The following PTPRD variants were observed in gnomAD, a reference collection of about 807,000 sequenced individuals.
The protein encoded by PTPRD is protein tyrosine phosphatase receptor type D.
A neutral mutation model predicts 214.5 loss-of-function variants in PTPRD; 34 were observed. The observed-to-expected ratio is 0.16, with a 90% CI of 0.12 to 0.21. The LOEUF is 0.21. PTPRD is among the 10% of genes least tolerant of loss of function. The pLI, the probability that PTPRD is intolerant of heterozygous loss-of-function variation, is 1.00. For missense variants in PTPRD, 2,545 were observed against 2,398.7 expected (o/e 1.06, Z -1.27); for synonymous variants, 1,128 against 845.7 (o/e 1.33, Z -5.79).
intron 8 of PTPRD, among the ~76,000 whole-genome samples, chr9:9,485,077 C>A (rs1338653264): frequency 1.3e-5 from 2 of 152,146 alleles, no homozygotes; most frequent in Admixed American, 6.5e-5. Context: ...TTGCCTCTTG[C>A]AGTTTTTGAA....
intron 8 of PTPRD, among the ~76,000 whole-genome samples, chr9:9,458,338 C>T (rs991188766): frequency 6.6e-6 from 1 of 151,944 alleles, no homozygotes; most frequent in Non-Finnish European, 1.5e-5. Flanking sequence ...AGAAATCCAA[C>T]ATTGTACCAC....
At chr9:8,804,162 C>T (rs932870436) in intron 11 of PTPRD, among the ~76,000 whole-genome samples, 5 of 151,984 alleles carry the variant, frequency 3.3e-5, no homozygotes, top group East Asian at 1.9e-4. Context: ...TATGTTGGTC[C>T]GTCTGGTCTC....
intron 8 of PTPRD, among the ~76,000 whole-genome samples, chr9:9,478,250 G>A (rs1250290667): frequency 6.6e-6 from 1 of 152,090 alleles, no homozygotes; most frequent in Non-Finnish European, 1.5e-5. Context: ...AACTGCATGG[G>A]TATCAAACAA....
intron 2 of PTPRD, among the ~76,000 whole-genome samples, chr9:10,343,750 G>A (rs1282785190): frequency 6.6e-6 from 1 of 151,910 alleles, no homozygotes; most frequent in African/African-American, 2.4e-5. Flanking sequence ...TTATTTTCAT[G>A]TGTCTGTTGG....
At chr9:10,007,075 G>C (rs527438333) in intron 4 of PTPRD, among the ~76,000 whole-genome samples, 3 of 151,942 alleles carry the variant, frequency 2.0e-5, no homozygotes, top group Admixed American at 6.6e-5. Context: ...TAAGGCAGAA[G>C]TGTTTGTCTC....
At position 8,382,566 on chromosome 9, in the gene PTPRD, A is replaced by C. The variant is rs1318195433; in HGVS notation, c.4387-5840T>G. On this transcript the variant is annotated intron_variant, in intron 37 of 45. Coordinates refer to ENST00000381196, the MANE Select transcript of PTPRD (RefSeq NM_002839.4). ...AGAAGGTAGATAATCCAGAAAGCTA[A>C]CAAACAGCAAGAAATTGGTGGGATT... Among the ~76,000 whole-genome samples the C allele has an allele frequency of 2.2e-4, 33 of 152,194 alleles. 1 individual carries two copies. The highest frequency in any genetic ancestry group is 2.2e-3 in the Admixed American group (33 of 15,280).
intron 11 of PTPRD, among the ~76,000 whole-genome samples, chr9:8,763,288 G>T (rs574188828): frequency 7.1e-4 from 108 of 152,038 alleles, no homozygotes; most frequent in African/African-American, 2.5e-3. Flanking sequence ...GAGTTGGATG[G>T]ATCGCCTGAA....
chr9:9,102,233 T>G (rs1185092621), intron 10 of PTPRD, among the ~76,000 whole-genome samples: 1 of 152,226 alleles, frequency 6.6e-6, no homozygotes, highest in Non-Finnish European at 1.5e-5. Flanking sequence ...AAAGAAAATA[T>G]TCTTACAATA....
chr9:8,933,607 C>A (rs543480563), intron 11 of PTPRD, among the ~76,000 whole-genome samples: 28 of 151,884 alleles, frequency 1.8e-4, no homozygotes, highest in Admixed American at 7.2e-4. Flanking sequence ...TTATTCTAAC[C>A]TAATACAGTT....
chr9:8,363,575 T>C (rs777223468), intron 39 of PTPRD, among the ~76,000 whole-genome samples: 2 of 152,168 alleles, frequency 1.3e-5, no homozygotes, highest in Non-Finnish European at 2.9e-5. Flanking sequence ...TCAGTTTGGG[T>C]TGTACTTGGG....
intron 4 of PTPRD, among the ~76,000 whole-genome samples, chr9:10,019,121 T>C (rs2096789292): frequency 6.6e-6 from 1 of 152,060 alleles, no homozygotes; most frequent in Non-Finnish European, 1.5e-5. Flanking sequence ...GCGAAAGATA[T>C]GAACAGACAC....
intron 3 of PTPRD, among the ~76,000 whole-genome samples, chr9:10,108,315 A>T (rs1053761138): frequency 6.6e-6 from 1 of 152,080 alleles, no homozygotes; most frequent in Non-Finnish European, 1.5e-5. Flanking sequence ...TTTTTTTTGT[A>T]GCGAGAACAC....
intron 9 of PTPRD, among the ~76,000 whole-genome samples, chr9:9,324,448 G>A (rs1968656519): frequency 6.6e-6 from 1 of 152,142 alleles, no homozygotes. Flanking sequence ...CAGTGATGAT[G>A]AGCATTTTTT....
intron 2 of PTPRD, among the ~76,000 whole-genome samples, chr9:10,591,192 G>C (rs1161364521): frequency 1.3e-5 from 2 of 151,918 alleles, no homozygotes; most frequent in Admixed American, 1.3e-4. Flanking sequence ...ATAAAAGGCA[G>C]GGTGGCATTT....
At chr9:8,773,577 C>G (rs61122451) in intron 11 of PTPRD, among the ~76,000 whole-genome samples, 7,161 of 152,198 alleles carry the variant, frequency 0.047, 424 homozygotes, top group African/African-American at 0.14. Context: ...ATCCTACTTG[C>G]TCAAAGCTGA....
At chr9:9,368,868 G>A (rs185441594) in intron 9 of PTPRD, among the ~76,000 whole-genome samples, 51 of 151,764 alleles carry the variant, frequency 3.4e-4, no homozygotes, top group East Asian at 2.7e-3. Context: ...AACTCGTGTC[G>A]TCATTTAGCA....
chr9:8,549,500 A>C (rs2081361775), intron 14 of PTPRD, among the ~76,000 whole-genome samples: 1 of 152,224 alleles, frequency 6.6e-6, no homozygotes, highest in African/African-American at 2.4e-5. Context: ...GCAATGTTCC[A>C]AGTATGTTTT....
rs201093925 is a variant in PTPRD, at chr9:10,264,693, G to GT, written c.-545+76269dup. Among the ~76,000 whole-genome samples, 981 of 152,244 alleles carry GT rather than the reference G, an allele frequency of 6.4e-3. 11 individuals carry two copies. Among genetic ancestry groups the GT allele is most frequent in the Middle Eastern group, 0.01 (3 of 294 alleles). ...GACTGTTGAGTTAATGCCGAAATTAGTTAAGACTTTCGGGATCTCTTGGGA... is the reference window on the plus strand; with the variant it reads ...GACTGTTGAGTTAATGCCGAAATTAGTTTAAGACTTTCGGGATCTCTTGGGA... On this transcript the variant is annotated intron_variant, in intron 3 of 45. Coordinates refer to ENST00000381196, the MANE Select transcript of PTPRD (RefSeq NM_002839.4).
At chr9:8,800,818 G>C (rs1290602926) in intron 11 of PTPRD, among the ~76,000 whole-genome samples, 4 of 152,146 alleles carry the variant, frequency 2.6e-5, no homozygotes, top group African/African-American at 7.2e-5. Flanking sequence ...ATGGGGTCTG[G>C]ATTGGGACCC....
Sources: allele counts gnomAD v4.1 joint callset (sites outside exome capture counted in the v4.1 genomes callset), GRCh38; gene constraint gnomAD v4.1.1; transcripts MANE v1.5; gene names NCBI Gene and HGNC (gene_info 2026-07-23, HGNC 2026-07-21).